MACROD2: variants seen among roughly 807,000 people sequenced by gnomAD.
MACROD2 encodes the protein mono-ADP ribosylhydrolase 2, also known as ADP-ribose glycohydrolase MACROD2.
Under a neutral mutation model 70.4 loss-of-function variants are expected in MACROD2, and 36 were observed. The ratio of observed to expected loss-of-function variants is 0.51; its 90% confidence interval spans 0.39 to 0.68. The LOEUF (loss-of-function observed/expected upper bound fraction) is 0.68, where lower values mean the gene tolerates loss of function less well. MACROD2 is among the 30% of genes least tolerant of loss of function. The probability of loss-of-function intolerance (pLI) is 0.00; values close to 1 mark genes in which losing one functional copy is unlikely to be tolerated. For synonymous variants in MACROD2, 172 were observed against 178.8 expected, an observed-to-expected ratio of 0.96 and a Z score of 0.30; for missense variants, 496 against 538.4, an observed-to-expected ratio of 0.92 and a Z score of 0.78.
chr20:14,137,953 C>T (rs1271387630), intron 3 of MACROD2, among the ~76,000 whole-genome samples: 1 of 152,054 alleles, frequency 6.6e-6, no homozygotes, highest in East Asian at 1.9e-4. Context: ...GGGCAAAGGA[C>T]CTGAATAGAA....
At chr20:14,129,569 C>G (rs2054692625) in intron 3 of MACROD2, among the ~76,000 whole-genome samples, 1 of 152,142 alleles carries the variant, frequency 6.6e-6, no homozygotes, top group Non-Finnish European at 1.5e-5. Flanking sequence ...AGAGGATTGA[C>G]TGCAAATTTG....
chr20:14,884,869 C>T (rs1349105388), intron 5 of MACROD2, among the ~76,000 whole-genome samples: 2 of 152,176 alleles, frequency 1.3e-5, no homozygotes, highest in African/African-American at 4.8e-5. Context: ...TTTACTTTAA[C>T]CCAGACACTC....
At chr20:15,249,169 C>T (rs2021912) in intron 6 of MACROD2, among the ~76,000 whole-genome samples, 24,937 of 152,054 alleles carry the variant, frequency 0.16, 2,437 homozygotes, top group African/African-American at 0.27. Context: ...AGATCTCCCT[C>T]TTGCATAGCT....
intron 13 of MACROD2, among the ~76,000 whole-genome samples, chr20:15,969,806 C>T (rs1305247530): frequency 6.6e-6 from 1 of 151,896 alleles, no homozygotes; most frequent in Non-Finnish European, 1.5e-5. Context: ...AGAAATTTCC[C>T]ACACTGATGA....
intron 8 of MACROD2, among the ~76,000 whole-genome samples, chr20:15,559,311 A>G (rs935330119): frequency 2.6e-5 from 4 of 152,090 alleles, no homozygotes; most frequent in Admixed American, 6.6e-5. Context: ...ACAATTAGAT[A>G]ACAAGAGTGA....
chr20:15,414,616 A>C (rs994865480), intron 6 of MACROD2, among the ~76,000 whole-genome samples: 1 of 152,220 alleles, frequency 6.6e-6, no homozygotes, highest in Non-Finnish European at 1.5e-5. Flanking sequence ...AGGTACAAGT[A>C]TAGAGCACAC....
At chr20:14,170,756 G>A (rs569999010) in intron 3 of MACROD2, among the ~76,000 whole-genome samples, 46 of 152,116 alleles carry the variant, frequency 3.0e-4, no homozygotes, top group African/African-American at 6.7e-4. Flanking sequence ...CTAGTATTTC[G>A]TTGAGGATTT....
intron 3 of MACROD2, among the ~76,000 whole-genome samples, chr20:14,247,294 T>A (rs2081975386): frequency 6.6e-6 from 1 of 152,194 alleles, no homozygotes; most frequent in Non-Finnish European, 1.5e-5. Flanking sequence ...CTTCCACTAA[T>A]AGATGGAAGG....
intron 4 of MACROD2, among the ~76,000 whole-genome samples, chr20:14,643,852 G>A (rs1305248683): frequency 1.3e-5 from 2 of 152,152 alleles, no homozygotes; most frequent in Non-Finnish European, 2.9e-5. Context: ...TTGAATGAAT[G>A]TATGGGTAGG....
At chr20:15,185,336 A>T (rs1182957043) in intron 5 of MACROD2, among the ~76,000 whole-genome samples, 1 of 152,160 alleles carries the variant, frequency 6.6e-6, no homozygotes, top group Admixed American at 6.6e-5. Context: ...TTTCTTTCTG[A>T]TGCCTCGAAA....
At chr20:14,358,461 T>G (rs528568673) in intron 3 of MACROD2, among the ~76,000 whole-genome samples, 1 of 152,134 alleles carries the variant, frequency 6.6e-6, no homozygotes, top group Non-Finnish European at 1.5e-5. Context: ...TTTTTATTTT[T>G]TATTTTTATT....
At chr20:15,183,632 T>C (rs2076515506) in intron 5 of MACROD2, among the ~76,000 whole-genome samples, 1 of 152,218 alleles carries the variant, frequency 6.6e-6, no homozygotes, top group African/African-American at 2.4e-5. Context: ...TTATCTTTTA[T>C]GCAGAAGTGA....
At chr20:15,866,351 G>C (rs1410690163) in intron 9 of MACROD2, among the ~76,000 whole-genome samples, 2 of 151,916 alleles carry the variant, frequency 1.3e-5, no homozygotes, top group Non-Finnish European at 2.9e-5. Flanking sequence ...GGCTATGATT[G>C]CACCACTGAA....
chr20:14,251,072 C>A (rs1461615866), intron 3 of MACROD2, among the ~76,000 whole-genome samples: 2 of 152,038 alleles, frequency 1.3e-5, no homozygotes, highest in East Asian at 1.9e-4. Flanking sequence ...TTATTGCTGG[C>A]ACTTCTAGAT....
intron 5 of MACROD2, among the ~76,000 whole-genome samples, chr20:14,848,423 T>G (rs1423040133): frequency 6.6e-6 from 1 of 152,176 alleles, no homozygotes; most frequent in Non-Finnish European, 1.5e-5. Context: ...GAGAGTAATA[T>G]GGGTGAGAAA....
intron 3 of MACROD2, among the ~76,000 whole-genome samples, chr20:14,147,907 T>A (rs919415560): frequency 2.0e-5 from 3 of 151,698 alleles, no homozygotes; most frequent in Non-Finnish European, 4.4e-5. Flanking sequence ...AAGTACAGTG[T>A]CTGAAAAAAA....
rs192847859 is a variant in MACROD2, at chr20:14,373,822, C to A, written c.272-119657C>A. On this transcript the variant is annotated intron_variant, in intron 3 of 17. Transcript: ENST00000684519. The stretch of plus-strand genomic sequence containing the variant: ...ACAGTTACGCGGTGTTACACTAGCT[C>A]TACATTTGCACACATGCTCCTTGTT... Among the ~76,000 whole-genome samples the A allele has an allele frequency of 1.3e-4, 20 of 150,876 alleles. No homozygotes were observed. The East Asian group carries it at 3.0e-3, about 22-fold the overall frequency.
intron 5 of MACROD2, among the ~76,000 whole-genome samples, chr20:14,690,264 T>TTC (rs2071048150): frequency 6.9e-6 from 1 of 145,230 alleles, no homozygotes; most frequent in African/African-American, 2.5e-5. Context: ...TTCTTTTATT[T>TTC]CTTCTATTTA....
intron 10 of MACROD2, among the ~76,000 whole-genome samples, chr20:15,918,043 G>C (rs896150439): frequency 4.6e-5 from 7 of 152,118 alleles, no homozygotes; most frequent in Non-Finnish European, 1.0e-4. Context: ...AGAGTGGGGA[G>C]TTCTATGAAT....
Sources: allele counts gnomAD v4.1 joint callset (sites outside exome capture counted in the v4.1 genomes callset), GRCh38; gene constraint gnomAD v4.1.1; transcripts MANE v1.5; gene names NCBI Gene and HGNC (gene_info 2026-07-23, HGNC 2026-07-21).